NINJ2: variants seen among roughly 807,000 people sequenced by gnomAD.
The protein encoded by NINJ2 is ninjurin 2.
In NINJ2, 12 loss-of-function variants were observed where a neutral mutation model predicts 11.7. The ratio of observed to expected loss-of-function variants is 1.02; its 90% CI spans 0.66 to 1.66. NINJ2 has a LOEUF of 1.66. NINJ2 is among the 40% of genes most tolerant of loss of function. The probability of loss-of-function intolerance (pLI) is 0.00; values close to 1 mark genes in which losing one functional copy is unlikely to be tolerated. For synonymous variants in NINJ2, 93 were observed against 76.8 expected (o/e 1.21, Z -1.10); for missense variants, 187 against 181.8 (o/e 1.03, Z -0.16).
At position 580,742 on chromosome 12, in the gene NINJ2, C is replaced by T. The variant is rs1009820195; in HGVS notation, c.34-14564G>A. ...CAATGGCTATAGTATACAAACACCT[C>T]GACTGCGCTGCTGACTCCCCTCCAT... On this transcript the variant is annotated intron_variant, in intron 1 of 3. Coordinates refer to ENST00000305108, the MANE Select transcript of NINJ2 (RefSeq NM_016533.6). This position sits in a 1 kb window ranked among gnomAD's most constrained non-coding sequence, Gnocchi z 4.7. Among the ~76,000 whole-genome samples the T allele has an allele frequency of 1.3e-5, 2 of 152,144 alleles. No individual in the cohort carries two copies. Among genetic ancestry groups the T allele is most frequent in the Non-Finnish European group, 2.9e-5 (2 of 68,034 alleles).
In NINJ2 at chr12:566,126, G is replaced by A. The variant is rs1470081315; in HGVS notation, c.86C>T (p.Thr29Ile). 10 of 1,614,182 alleles carry A rather than the reference G, an allele frequency of 6.2e-6. No individual in the cohort carries two copies. Among genetic ancestry groups the A allele is most frequent in the Admixed American group, 1.7e-5 (1 of 60,024 alleles). Residue 29 changes from threonine to isoleucine, a missense_variant, in exon 2 of 4, where the codon ACC (threonine) becomes ATC (isoleucine). Coordinates refer to ENST00000305108, the MANE Select transcript of NINJ2 (RefSeq NM_016533.6). ...CATGCTCTCCGCCACGCTCTTCTTGGTGGCGTAATGGTTCAGGTTGATGGG... is the reference window on the plus strand; with the variant it reads ...CATGCTCTCCGCCACGCTCTTCTTGATGGCGTAATGGTTCAGGTTGATGGG... ...SQPINLNHYA[T>I]KKSVAESMLD...
intron 1 of NINJ2, among the ~76,000 whole-genome samples, chr12:599,393 C>G (rs1167327950): frequency 7.2e-5 from 11 of 152,026 alleles, no homozygotes; most frequent in Non-Finnish European, 2.9e-5. Context: ...TTCCTCCCCC[C>G]GCCCCAGTTA....
chr12:644,335 C>T (rs886735946), intron 1 of NINJ2: 1 of 152,174 alleles, frequency 6.6e-6, no homozygotes, highest in African/African-American at 2.4e-5. Flanking sequence ...CCAACAAGCT[C>T]CCAGGATACT....
intron 1 of NINJ2, among the ~76,000 whole-genome samples, chr12:612,052 C>T (rs1948039064): frequency 6.6e-6 from 1 of 152,154 alleles, no homozygotes. Flanking sequence ...CTATCCCCTC[C>T]CTCCCTTTTT....
At chr12:627,043 C>T (rs549969418) in intron 1 of NINJ2, among the ~76,000 whole-genome samples, 10 of 152,204 alleles carry the variant, frequency 6.6e-5, no homozygotes, top group Non-Finnish European at 1.3e-4. Flanking sequence ...TATGATTGTA[C>T]CACTGAACAC....
Position 623,217 on chromosome 12 carries a change from C to T in NINJ2, c.33+40111G>A, listed in dbSNP as rs115960930. ...TCCATCTGAGAGCCAGCACTCCCTC[C>T]TGACAGTGACAGTTTTGTAAGTTTC... is the stretch of plus-strand genomic sequence containing the variant. On this transcript the variant is annotated intron_variant, in intron 1 of 3. Coordinates refer to ENST00000305108, the MANE Select transcript of NINJ2 (RefSeq NM_016533.6). 1.2e-3 allele frequency among the ~76,000 whole-genome samples: 179 copies of T among 152,306 alleles called. 1 individual carries two copies. Among genetic ancestry groups the T allele is most frequent in the African/African-American group, 4.1e-3 (171 of 41,550 alleles).
intron 1 of NINJ2, among the ~76,000 whole-genome samples, chr12:648,484 TTTTCCTC>T (rs1937726726): frequency 1.3e-5 from 2 of 152,206 alleles, no homozygotes; most frequent in Admixed American, 1.3e-4. Context: ...GACCTTGATT[TTTTCCTC>T]TTTAAAACAA....
intron 1 of NINJ2, among the ~76,000 whole-genome samples, chr12:609,263 C>T (rs181443819): frequency 9.7e-6 from 1 of 102,726 alleles, no homozygotes; most frequent in East Asian, 2.5e-4. Flanking sequence ...GCTGTACGCA[C>T]GCACGGCGCC....
chr12:577,846 T>G (rs1252983471), intron 1 of NINJ2, among the ~76,000 whole-genome samples: 1 of 152,048 alleles, frequency 6.6e-6, no homozygotes, highest in Non-Finnish European at 1.5e-5. Flanking sequence ...CGTGAGCCAC[T>G]GCACCAGGCC....
chr12:655,769 T>C (rs571707229), intron 1 of NINJ2, among the ~76,000 whole-genome samples: 145 of 151,668 alleles, frequency 9.6e-4, no homozygotes, highest in African/African-American at 3.3e-3. Flanking sequence ...AAAAATTAGC[T>C]GGGCATGGTG....
intron 1 of NINJ2, among the ~76,000 whole-genome samples, chr12:649,036 C>T (rs1019547748): frequency 3.3e-5 from 2 of 60,726 alleles, no homozygotes; most frequent in Non-Finnish European, 7.5e-5. Flanking sequence ...CTATCTATCT[C>T]AAGTGATTTT....
intron 1 of NINJ2, among the ~76,000 whole-genome samples, chr12:577,431 A>ATATATG (rs1947478982): frequency 3.7e-5 from 5 of 134,242 alleles, no homozygotes; most frequent in Non-Finnish European, 6.3e-5. Flanking sequence ...ATATATATAC[A>ATATATG]TATATATATA....
At chr12:604,078 C>T (rs553297641) in intron 1 of NINJ2, among the ~76,000 whole-genome samples, 3 of 152,272 alleles carry the variant, frequency 2.0e-5, no homozygotes, top group East Asian at 1.9e-4. Context: ...CCTGTTGGGA[C>T]GCGTGAGTCC....
intron 1 of NINJ2, chr12:642,944 A>G (rs1426505116): frequency 6.9e-6 from 1 of 143,886 alleles, no homozygotes; most frequent in Non-Finnish European, 1.5e-5. Flanking sequence ...GGCCGCCCCC[A>G]CGCCCCACGC....
chr12:566,209 G>T, intron 1 of NINJ2, 31 bp from the exon 2 acceptor site: 1 of 1,577,184 alleles, frequency 6.3e-7, no homozygotes, highest in South Asian at 1.1e-5. Flanking sequence ...ACTTACCAAG[G>T]GGAGCTCTGG....
intron 1 of NINJ2, among the ~76,000 whole-genome samples, chr12:622,492 T>C (rs1445209563): frequency 6.8e-6 from 1 of 146,478 alleles, no homozygotes; most frequent in Non-Finnish European, 1.5e-5. Flanking sequence ...TATAAGAAAC[T>C]CTGGGAAATG....
Position 570,674 on chromosome 12 carries a change from T to A in NINJ2, c.34-4496A>T, listed in dbSNP as rs1947363819. ...CGCCGCTGGCTCTCGCTTGCCGCCCTCCCCTGGCCCTGGCCCTGGCCTCTG... is the reference window on the plus strand; with the variant it reads ...CGCCGCTGGCTCTCGCTTGCCGCCCACCCCTGGCCCTGGCCCTGGCCTCTG... On this transcript the variant is annotated intron_variant, in intron 1 of 3. Transcript: ENST00000305108. 1.3e-5 allele frequency among the ~76,000 whole-genome samples: 2 copies of A among 150,966 alleles called. 1 individual carries two copies. The highest frequency in any genetic ancestry group is 4.9e-5 in the African/African-American group (2 of 40,772).
At chr12:571,181 AT>A (rs1203925136) in intron 1 of NINJ2, among the ~76,000 whole-genome samples, 12 of 152,248 alleles carry the variant, frequency 7.9e-5, no homozygotes, top group African/African-American at 2.2e-4. Flanking sequence ...AAGGCTGCCC[AT>A]CAAAATCTGG....
chr12:653,000 CA>C (rs1216085352), intron 1 of NINJ2, among the ~76,000 whole-genome samples: 3 of 140,752 alleles, frequency 2.1e-5, no homozygotes, highest in Non-Finnish European at 3.1e-5. Flanking sequence ...TTGTGATATA[CA>C]AAGTAATATT....
Sources: allele counts gnomAD v4.1 joint callset (sites outside exome capture counted in the v4.1 genomes callset), GRCh38; gene constraint gnomAD v4.1.1; non-coding constraint Gnocchi (gnomAD v3.1); transcripts MANE v1.5; gene names NCBI Gene and HGNC (gene_info 2026-07-23, HGNC 2026-07-21).